The following SGCD variants were observed in gnomAD, a reference collection of about 807,000 sequenced individuals.
SGCD encodes the protein sarcoglycan delta.
A neutral mutation model predicts 36.6 loss-of-function variants in SGCD; 18 were observed. That is an observed-to-expected ratio of 0.49 (90% CI 0.34 to 0.73). The LOEUF (loss-of-function observed/expected upper bound fraction) is 0.73. Among genes scored for constraint, SGCD ranks in the 30% least tolerant of loss-of-function variants. SGCD has a pLI of 0.01. For missense variants in SGCD, 387 were observed against 346.7 expected (o/e 1.12, Z -0.92); for synonymous variants, 133 against 130.6 (o/e 1.02, Z -0.12).
intron 3 of SGCD, among the ~76,000 whole-genome samples, chr5:156,240,148 T>C (rs1765273269): frequency 6.6e-6 from 1 of 152,208 alleles, no homozygotes; most frequent in Admixed American, 6.5e-5. Flanking sequence ...ATGGTAGAAT[T>C]ATTTTAGTGT....
intron 2 of SGCD, among the ~76,000 whole-genome samples, chr5:156,120,586 A>C (rs2127602404): frequency 6.6e-6 from 1 of 152,292 alleles, no homozygotes; most frequent in East Asian, 1.9e-4. Flanking sequence ...TGCTTTGTAA[A>C]TGTGCTTTGG....
At chr5:155,802,073 G>T in the SGCD span, among the ~76,000 whole-genome samples, 3 of 152,292 alleles carry the variant, frequency 2.0e-5, no homozygotes, top group South Asian at 2.1e-4. Flanking sequence ...AAAAGTGGAC[G>T]CCTGACCCAA....
At chr5:156,292,672 C>A (rs1235555609) in intron 3 of SGCD, among the ~76,000 whole-genome samples, 1 of 152,028 alleles carries the variant, frequency 6.6e-6, no homozygotes, top group Non-Finnish European at 1.5e-5. Context: ...TCTGATAAAC[C>A]ACCATACTAT....
intron 3 of SGCD, among the ~76,000 whole-genome samples, chr5:156,460,141 G>T (rs1046506552): frequency 3.3e-5 from 5 of 152,136 alleles, no homozygotes; most frequent in Non-Finnish European, 5.9e-5. Context: ...ACTAGAAAAT[G>T]TAGTATTGAT....
chr5:156,047,194 GT>G (rs1759787718), intron 1 of SGCD, among the ~76,000 whole-genome samples: 1 of 152,142 alleles, frequency 6.6e-6, no homozygotes, highest in Non-Finnish European at 1.5e-5. Context: ...GGTTAATGAA[GT>G]TTAAAGAAAG....
At chr5:156,457,648 G>A (rs114177255) in intron 3 of SGCD, among the ~76,000 whole-genome samples, 449 of 152,246 alleles carry the variant, frequency 2.9e-3, no homozygotes, top group African/African-American at 0.01. Context: ...AGTAATATCT[G>A]ACCCTGGGGC....
chr5:156,358,409 C>T (rs1769597757), intron 3 of SGCD, among the ~76,000 whole-genome samples: 2 of 152,200 alleles, frequency 1.3e-5, no homozygotes, highest in African/African-American at 4.8e-5. Context: ...TTCCTAGTCT[C>T]AGTTAAGTGA....
intron 1 of SGCD, among the ~76,000 whole-genome samples, chr5:156,085,959 C>G (rs1010040492): frequency 1.3e-5 from 2 of 152,198 alleles, no homozygotes; most frequent in Non-Finnish European, 2.9e-5. Flanking sequence ...ATGTTTGTCT[C>G]TTCTTGTTTT....
chr5:156,251,894 A>C (rs539652776), intron 3 of SGCD, among the ~76,000 whole-genome samples: 1 of 152,070 alleles, frequency 6.6e-6, no homozygotes, highest in South Asian at 2.1e-4. Context: ...CCTCTATAGT[A>C]CTCCTCATTA....
At chr5:156,592,674 T>G (rs1308820307) in intron 5 of SGCD, among the ~76,000 whole-genome samples, 1 of 152,140 alleles carries the variant, frequency 6.6e-6, no homozygotes, top group Non-Finnish European at 1.5e-5. Flanking sequence ...GTCTCTAACC[T>G]TGCGAGAGCC....
At chr5:156,686,594 A>G (rs1260263457) in intron 7 of SGCD, among the ~76,000 whole-genome samples, 3 of 152,218 alleles carry the variant, frequency 2.0e-5, no homozygotes, top group African/African-American at 7.2e-5. Flanking sequence ...CAGAACAGCC[A>G]TAGTACTTGA....
chr5:156,415,549 T>C (rs1772985570), intron 3 of SGCD, among the ~76,000 whole-genome samples: 1 of 152,194 alleles, frequency 6.6e-6, no homozygotes, highest in African/African-American at 2.4e-5. Context: ...CTTTGCAAGG[T>C]TCACATCCTT....
intron 3 of SGCD, among the ~76,000 whole-genome samples, chr5:156,134,263 A>G (rs1400741140): frequency 6.6e-6 from 1 of 152,184 alleles, no homozygotes; most frequent in African/African-American, 2.4e-5. Flanking sequence ...ATCTATGCCC[A>G]TCTCATATAT....
chr5:156,442,066 G>A (rs763515860), intron 3 of SGCD, among the ~76,000 whole-genome samples: 3 of 152,184 alleles, frequency 2.0e-5, no homozygotes, highest in Non-Finnish European at 2.9e-5. Context: ...TACTTGCTTA[G>A]ATGGCAGTAA....
intron 3 of SGCD, among the ~76,000 whole-genome samples, chr5:156,207,817 T>G (rs868448777): frequency 1.3e-5 from 2 of 152,026 alleles, no homozygotes; most frequent in Admixed American, 6.6e-5. Flanking sequence ...AACAAAAATT[T>G]TATATATATG....
At chr5:156,710,309 A>G (rs1451991302) in intron 7 of SGCD, among the ~76,000 whole-genome samples, 1 of 152,206 alleles carries the variant, frequency 6.6e-6, no homozygotes, top group Non-Finnish European at 1.5e-5. Context: ...TGAGAAAACA[A>G]TATTTTTATA....
intron 2 of SGCD, among the ~76,000 whole-genome samples, chr5:156,339,546 G>A (rs1228990151): frequency 6.6e-6 from 1 of 152,098 alleles, no homozygotes; most frequent in Non-Finnish European, 1.5e-5. Context: ...TTGAACAAAT[G>A]TTTTGCTAAA....
intron 1 of SGCD, among the ~76,000 whole-genome samples, chr5:155,893,383 G>C (rs1756180182): frequency 6.6e-6 from 1 of 152,154 alleles, no homozygotes; most frequent in Non-Finnish European, 1.5e-5. Flanking sequence ...TGTTCTAAGT[G>C]AACACTAACA....
intron 6 of SGCD, among the ~76,000 whole-genome samples, chr5:156,603,390 C>T (rs1262570117): frequency 6.6e-6 from 1 of 151,860 alleles, no homozygotes; most frequent in East Asian, 1.9e-4. Context: ...AACTTTGTTT[C>T]ATTGATCTTT....
Sources: allele counts gnomAD v4.1 joint callset (sites outside exome capture counted in the v4.1 genomes callset), GRCh38; gene constraint gnomAD v4.1.1; transcripts MANE v1.5; gene names NCBI Gene and HGNC (gene_info 2026-07-23, HGNC 2026-07-21).